Variants in HEATR6 observed in about 807,000 individuals in gnomAD.
The protein encoded by HEATR6 is HEAT repeat containing 6, also known as HEAT repeat-containing protein 6.
A neutral mutation model predicts 132.8 loss-of-function variants in HEATR6; 106 were observed. The observed-to-expected ratio is 0.80, with a 90% CI of 0.68 to 0.94. The LOEUF is 0.94. Among genes scored for constraint, HEATR6 ranks in the 40% least tolerant of loss-of-function variants. The probability of loss-of-function intolerance (pLI) is 0.00; values close to 1 mark genes in which losing one functional copy is unlikely to be tolerated. For synonymous variants in HEATR6, 529 were observed against 537.8 expected, an observed-to-expected ratio of 0.98 and a Z score of 0.23; for missense variants, 1,339 against 1,425.1, an observed-to-expected ratio of 0.94 and a Z score of 0.97.
rs965843734 is a variant in HEATR6, at chr17:60,041,874, T to C, written c.*1689A>G. Among the ~76,000 whole-genome samples the C allele has an allele frequency of 6.6e-6, 1 of 152,252 alleles. No homozygotes were observed. Among genetic ancestry groups the C allele is most frequent in the African/African-American group, 2.4e-5 (1 of 41,472 alleles). The stretch of plus-strand genomic sequence containing the variant: ...AAATATCACCAACACCCATTTTTTG[T>C]AACTTCTTAATTGTCCCACATCAAA... On this transcript the variant is annotated 3_prime_UTR_variant, in exon 20 of 20. Coordinates refer to ENST00000184956, the MANE Select transcript of HEATR6 (RefSeq NM_022070.5).
Position 60,041,846 on chromosome 17 carries a change from A to C in HEATR6, c.*1717T>G, listed in dbSNP as rs1478081867. ...GTGTATTTTAAGCTAAATAACCATG[A>C]TAAAATATCACCAACACCCATTTTT... is the stretch of plus-strand genomic sequence containing the variant. On this transcript the variant is annotated 3_prime_UTR_variant, in exon 20 of 20. Transcript: ENST00000184956. 6.6e-6 allele frequency among the ~76,000 whole-genome samples: 1 copy of C among 152,202 alleles called. No individual in the cohort carries two copies. The highest frequency in any genetic ancestry group is 1.5e-5 in the Non-Finnish European group (1 of 68,034).
chr17:60,048,972 C>CATATATATATAATAT (rs1291424310), intron 16 of HEATR6, among the ~76,000 whole-genome samples: 2 of 59,524 alleles, frequency 3.4e-5, no homozygotes, highest in South Asian at 4.1e-4. Context: ...AAATAAATAA[C>CATATATATATAATAT]ATATATATAT....
chr17:60,055,223 G>A (rs368901149), intron 14 of HEATR6, among the ~76,000 whole-genome samples: 1 of 152,268 alleles, frequency 6.6e-6, no homozygotes, highest in East Asian at 1.9e-4. Context: ...CTGCAGAACT[G>A]TGAGCCAGAT....
intron 14 of HEATR6, among the ~76,000 whole-genome samples, chr17:60,055,031 A>G (rs1906699158): frequency 6.6e-6 from 1 of 152,124 alleles, no homozygotes; most frequent in African/African-American, 2.4e-5. Context: ...CCTTGTGGTA[A>G]TGAGTGAACT....
At chr17:60,055,148 C>T (rs1228406703) in intron 14 of HEATR6, among the ~76,000 whole-genome samples, 1 of 152,152 alleles carries the variant, frequency 6.6e-6, no homozygotes, top group African/African-American at 2.4e-5. Flanking sequence ...TTGCCTTCCA[C>T]CAGGATTTAA....
At chr17:60,051,805 C>T (rs1906583665) in intron 14 of HEATR6, among the ~76,000 whole-genome samples, 2 of 152,330 alleles carry the variant, frequency 1.3e-5, no homozygotes, top group African/African-American at 4.8e-5. Flanking sequence ...CCTACTTCAG[C>T]TCCTGGAAAC....
At chr17:60,054,010 C>A (rs563947364) in intron 14 of HEATR6, among the ~76,000 whole-genome samples, 60 of 152,170 alleles carry the variant, frequency 3.9e-4, no homozygotes, top group African/African-American at 1.4e-3. Context: ...GCCAAGACTA[C>A]GGGAAAACAG....
chr17:60,078,702 G>A lies in HEATR6; in HGVS notation c.213C>T (p.Ala71=), dbSNP rs1047381819. ...SENYSEGSGV[A]PEDVSALLVQ... The stretch of plus-strand genomic sequence containing the variant: ...AGCAGGGCGCGCCGCCTACCTCCGG[G>A]GCCACGCCACTGCCCTCGCTGTAGT... Residue 71 remains alanine, a synonymous_variant, in exon 1 of 20, where the codon GCC becomes GCT. Coordinates refer to ENST00000184956, the MANE Select transcript of HEATR6 (RefSeq NM_022070.5). The A allele has an allele frequency of 1.5e-5, 23 of 1,541,994 alleles. No individual in the cohort carries two copies. The highest frequency in any genetic ancestry group is 1.9e-5 in the Non-Finnish European group (22 of 1,145,088).
chr17:60,059,348 A>G (rs1023983338), intron 11 of HEATR6, 74 bp downstream of exon 11: 3 of 822,998 alleles, frequency 3.6e-6, no homozygotes, highest in South Asian at 3.2e-5. Flanking sequence ...ACATATATCT[A>G]TATCTGTATA....
intron 8 of HEATR6, among the ~76,000 whole-genome samples, chr17:60,066,750 T>C (rs1278046858): frequency 6.6e-6 from 1 of 152,174 alleles, no homozygotes; most frequent in African/African-American, 2.4e-5. Context: ...GTGCCAGGCA[T>C]CATGCTGAGG....
chr17:60,075,965 G>A (rs2083294050), intron 2 of HEATR6, 165 bp downstream of exon 2: 1 of 461,068 alleles, frequency 2.2e-6, no homozygotes, highest in Non-Finnish European at 3.8e-6. Flanking sequence ...AATTTTTTTG[G>A]ATCAGAGTTA....
At position 60,043,175 on chromosome 17, in the gene HEATR6, C is replaced by T. The variant is rs959855692; in HGVS notation, c.*388G>A. The T allele has an allele frequency of 4.0e-6, 1 of 252,212 alleles. No homozygotes were observed. The highest frequency in any genetic ancestry group is 7.8e-6 in the Non-Finnish European group (1 of 127,520). 15.6% of individuals were successfully genotyped at this position (252,212 alleles called of 1,614,324 possible). On this transcript the variant is annotated 3_prime_UTR_variant, in exon 20 of 20. Transcript: ENST00000184956. ...TGCTAGAAATACAACTTGGTAACAA[C>T]AGGAGATTGTGGACACACTATTTTT...
chr17:60,076,510 G>A (rs1235525004), intron 1 of HEATR6: 1 of 335,996 alleles, frequency 3.0e-6, no homozygotes, highest in Non-Finnish European at 5.6e-6. Context: ...AGACCAGCTT[G>A]GGCAACATAG....
chr17:60,067,139 G>T (rs1019990182), intron 8 of HEATR6, among the ~76,000 whole-genome samples: 6 of 150,704 alleles, frequency 4.0e-5, no homozygotes, highest in African/African-American at 1.2e-4. Flanking sequence ...GCGTAGTGGC[G>T]GGCGCCTGTA....
At chr17:60,051,029 A>T in intron 14 of HEATR6, 52 bp from the exon 15 acceptor site, 1 of 1,599,094 alleles carries the variant, frequency 6.3e-7, no homozygotes, top group East Asian at 2.2e-5. Context: ...CAGGGGAACC[A>T]ACTTGGAGCT....
At chr17:60,044,341 C>G (rs1039384432) in intron 19 of HEATR6, among the ~76,000 whole-genome samples, 4 of 152,088 alleles carry the variant, frequency 2.6e-5, no homozygotes, top group African/African-American at 9.7e-5. Flanking sequence ...CCCAAACCTC[C>G]CTCTTTCCCT....
chr17:60,054,668 A>C (rs1906687384), intron 14 of HEATR6, among the ~76,000 whole-genome samples: 1 of 152,238 alleles, frequency 6.6e-6, no homozygotes, highest in African/African-American at 2.4e-5. Context: ...CCCTGTTGGA[A>C]TGGGACTGTT....
chr17:60,059,838 T>C, intron 10 of HEATR6, 52 bp downstream of exon 10: 2 of 1,328,198 alleles, frequency 1.5e-6, no homozygotes, highest in East Asian at 2.3e-5. Flanking sequence ...TAAAACAGTA[T>C]ACAAAATTAA....
At position 60,051,629 on chromosome 17, in the gene HEATR6, C is replaced by T. The variant is rs533402455; in HGVS notation, c.2290-652G>A. Among the ~76,000 whole-genome samples the T allele has an allele frequency of 5.6e-4, 86 of 152,356 alleles. 1 individual carries two copies. Among genetic ancestry groups the T allele is most frequent in the African/African-American group, 2.0e-3 (83 of 41,584 alleles). On this transcript the variant is annotated intron_variant, in intron 14 of 19. Coordinates refer to ENST00000184956, the MANE Select transcript of HEATR6 (RefSeq NM_022070.5). The stretch of plus-strand genomic sequence containing the variant: ...CACTTTGAAGAACTACCTCACTTCA[C>T]AGCCTCTAAAGTAGCCATGTCAACA...
Sources: allele counts gnomAD v4.1 joint callset (sites outside exome capture counted in the v4.1 genomes callset), GRCh38; gene constraint gnomAD v4.1.1; transcripts MANE v1.5; gene names NCBI Gene and HGNC (gene_info 2026-07-23, HGNC 2026-07-21).